KLHL31: variants seen among roughly 807,000 people sequenced by gnomAD.
KLHL31 encodes the protein kelch-like protein 31.
KLHL31 carries 32 observed loss-of-function variants against 47.1 expected under a neutral mutation model. That is an observed-to-expected ratio of 0.68 (90% CI 0.51 to 0.91). The LOEUF is 0.91. KLHL31 is among the 40% of genes least tolerant of loss of function. KLHL31 has a pLI of 0.00. For missense variants in KLHL31, 797 were observed against 819.3 expected, an observed-to-expected ratio of 0.97 and a Z score of 0.33; for synonymous variants, 330 against 325.1, an observed-to-expected ratio of 1.01 and a Z score of -0.16.
intron 1 of KLHL31, among the ~76,000 whole-genome samples, chr6:53,659,502 T>C (rs1372262860): frequency 2.6e-5 from 4 of 151,930 alleles, no homozygotes; most frequent in African/African-American, 9.7e-5. Flanking sequence ...TGTGGTGGGG[T>C]GGTGTTAGAA....
At chr6:53,663,325 C>T (rs1478878442) in intron 1 of KLHL31, among the ~76,000 whole-genome samples, 1 of 152,086 alleles carries the variant, frequency 6.6e-6, no homozygotes, top group Non-Finnish European at 1.5e-5. Flanking sequence ...GTTCTGGTTC[C>T]AAATACTAGA....
At chr6:53,663,585 G>A (rs1338973638) in intron 1 of KLHL31, among the ~76,000 whole-genome samples, 2 of 152,140 alleles carry the variant, frequency 1.3e-5, no homozygotes, top group South Asian at 2.1e-4. Flanking sequence ...ATCTCATATG[G>A]TTCAACTTAG....
intron 1 of KLHL31, among the ~76,000 whole-genome samples, chr6:53,663,272 T>G (rs1315231165): frequency 6.6e-6 from 1 of 152,230 alleles, no homozygotes; most frequent in Non-Finnish European, 1.5e-5. Flanking sequence ...ATAGCTGGTG[T>G]TTATAAATTT....
Position 53,652,178 on chromosome 6 carries a change from G to A in KLHL31, c.1325C>T (p.Ser442Phe), listed in dbSNP as rs1764484309. Residue 442 changes from serine (S) to phenylalanine (F), a missense_variant, in exon 3 of 3, where the codon TCC becomes TTC. Transcript: ENST00000370905. The part of the protein sequence containing the change: ...SLASLECYVP[S>F]TNQWQPKTPL... ...CGTCTTCGGCTGCCACTGATTGGTG[G>A]AGGGCACGTAGCACTCCAGCGAGGC... The A allele has an allele frequency of 6.2e-7, 1 of 1,610,090 alleles. No individual in the cohort carries two copies. The highest frequency in any genetic ancestry group is 1.7e-5 in the Admixed American group (1 of 60,008).
chr6:53,653,910 T>C (rs1001598189), intron 2 of KLHL31, among the ~76,000 whole-genome samples, 191 bp downstream of exon 2: 3 of 152,214 alleles, frequency 2.0e-5, no homozygotes, highest in African/African-American at 7.2e-5. Context: ...TTCAGAAATC[T>C]ATAGTGCAAA....
rs10665063 is a variant in KLHL31, at chr6:53,656,931, C to CTTTTTTTTT, written c.-33-1635_-33-1627dup. Among the ~76,000 whole-genome samples the CTTTTTTTTT allele has an allele frequency of 5.4e-3, 533 of 98,424 alleles. 23 individuals carry two copies. The highest frequency in any genetic ancestry group is 7.6e-3 in the Non-Finnish European group (403 of 53,116). The allele number at this position is 98,424 out of a possible 152,430, so 64.6% of individuals were successfully genotyped here. The stretch of plus-strand genomic sequence containing the variant: ...AGACTGGGAAAACAAGTATTTTTAA[C>CTTTTTTTTT]TTTTTTTTTTTTTTTTTTTGAGATC... On this transcript the variant is annotated intron_variant, in intron 1 of 2. Transcript: ENST00000370905.
At chr6:53,653,215 C>T (rs1412077580) in intron 2 of KLHL31, among the ~76,000 whole-genome samples, 1 of 152,198 alleles carries the variant, frequency 6.6e-6, no homozygotes, top group Non-Finnish European at 1.5e-5. Context: ...CTCCTTCAGT[C>T]TGATGTTCAT....
At position 53,649,017 on chromosome 6, in the gene KLHL31, C is replaced by T. The variant is rs1764430991; in HGVS notation, c.*2581G>A. The T allele has an allele frequency of 6.6e-6, 1 of 152,072 alleles. No individual in the cohort carries two copies. The highest frequency in any genetic ancestry group is 2.4e-5 in the African/African-American group (1 of 41,416). The allele number at this position is 152,072 out of a possible 1,614,324, so 9.4% of individuals were successfully genotyped here. A position where few individuals can be genotyped will look rare whatever the true frequency, so the allele number is the denominator to read the frequency against. The stretch of plus-strand genomic sequence containing the variant: ...AATAAAAGGAAGTATATGGTTGGGT[C>T]CTAAGACTCTGGAGTAATTGAATGT... On this transcript the variant is annotated 3_prime_UTR_variant, in exon 3 of 3. Coordinates refer to ENST00000370905, the MANE Select transcript of KLHL31 (RefSeq NM_001003760.5).
chr6:53,655,596 T>C (rs1764548735), intron 1 of KLHL31, among the ~76,000 whole-genome samples: 1 of 103,782 alleles, frequency 9.6e-6, no homozygotes, highest in Non-Finnish European at 1.8e-5. Context: ...CTTTCTTTCT[T>C]TTTTCTTTTT....
chr6:53,654,805 T>C lies in KLHL31; in HGVS notation c.468A>G (p.Val156=). The change falls in exon 2 of 3, where the codon GTA becomes GTG. Residue 156 remains valine (V), a synonymous_variant. Transcript: ENST00000370905. Reference sequence around the variant, plus strand: ...GTATCAGAAAATCACTGCACATCTTTACAAGAGTATGGATCTGAAGATAAA... The same window carrying C: ...GTATCAGAAAATCACTGCACATCTTCACAAGAGTATGGATCTGAAGATAAA... The part of the protein sequence containing the change: ...AAVYLQIHTL[V]KMCSDFLIRE... 6.2e-7 allele frequency: 1 copy of C among 1,614,108 alleles called. No homozygotes were observed. Among genetic ancestry groups the C allele is most frequent in the East Asian group, 2.2e-5 (1 of 44,884 alleles).
intron 1 of KLHL31, among the ~76,000 whole-genome samples, chr6:53,661,273 T>A (rs777331118): frequency 6.6e-6 from 1 of 152,122 alleles, no homozygotes; most frequent in Non-Finnish European, 1.5e-5. Context: ...GCTCCCTCTT[T>A]ATGGGGGATC....
At chr6:53,655,609 CTTTT>C (rs11358787) in intron 1 of KLHL31, among the ~76,000 whole-genome samples, 6 of 114,260 alleles carry the variant, frequency 5.3e-5, no homozygotes, top group Non-Finnish European at 9.3e-5. Context: ...TTCTTTTTTT[CTTTT>C]TTTTTTTTTT....
chr6:53,657,610 T>TTGTGTGTGTG (rs57566339), intron 1 of KLHL31, among the ~76,000 whole-genome samples: 1,811 of 138,766 alleles, frequency 0.013, 20 homozygotes, highest in East Asian at 0.035. Flanking sequence ...TGTTTTTGTT[T>TTGTGTGTGTG]TGTGTGTGTG....
At chr6:53,663,169 A>G (rs565140938) in intron 1 of KLHL31, among the ~76,000 whole-genome samples, 101 of 152,338 alleles carry the variant, frequency 6.6e-4, no homozygotes, top group Non-Finnish European at 1.2e-3. Context: ...CTGGGCCCCT[A>G]TATTGTCTTC....
Position 53,651,811 on chromosome 6 carries a change from A to C in KLHL31, c.1692T>G (p.His564Gln). The change falls in exon 3 of 3, where the codon CAT becomes CAG. Residue 564 changes from histidine to glutamine, a missense_variant. His to Gln is a conservative substitution (Grantham distance 24). Transcript: ENST00000370905. The stretch of plus-strand genomic sequence containing the variant: ...AGCCCCCCACCAGGTAGGCGCGGCC[A>C]TGCAGCGCCGAGACGCCCGCAGTGC... ...GVSTAGVSAL[H>Q]GRAYLVGGWN... is the part of the protein sequence containing the mutation. 1.2e-6 allele frequency: 2 copies of C among 1,611,986 alleles called. No individual in the cohort carries two copies. The highest frequency in any genetic ancestry group is 1.7e-6 in the Non-Finnish European group (2 of 1,179,710).
Position 53,652,124 on chromosome 6 carries a change from G to A in KLHL31, c.1379C>T (p.Ala460Val). Reference protein sequence around the residue: ...TPLEVARCCHASAVADGRVLV... With the variant: ...TPLEVARCCHVSAVADGRVLV... Reference sequence around the variant, plus strand: ...CACGCGGCCGTCGGCGACCGCGCTAGCGTGGCAGCAGCGCGCCACCTCCAG... The same window carrying A: ...CACGCGGCCGTCGGCGACCGCGCTAACGTGGCAGCAGCGCGCCACCTCCAG... Residue 460 changes from alanine to valine, a missense_variant, in exon 3 of 3, where the codon GCT becomes GTT. By Grantham distance (64) the Ala-to-Val change is moderately conservative. Coordinates refer to ENST00000370905, the MANE Select transcript of KLHL31 (RefSeq NM_001003760.5). The A allele has an allele frequency of 6.2e-7, 1 of 1,601,784 alleles. No homozygotes were observed. The highest frequency in any genetic ancestry group is 1.3e-5 in the African/African-American group (1 of 75,010).
In KLHL31 at chr6:53,651,282, C is replaced by G. The variant is rs1373256541; in HGVS notation, c.*316G>C. On this transcript the variant is annotated 3_prime_UTR_variant, in exon 3 of 3. Transcript: ENST00000370905. ...AAAAAATCTCAAATGTGGGTGTAAC[C>G]GCTATACATTTAGGAAACATGCCGC... The G allele has an allele frequency of 4.3e-6, 1 of 230,716 alleles. No individual in the cohort carries two copies. The highest frequency in any genetic ancestry group is 2.3e-5 in the African/African-American group (1 of 43,980). 14.3% of individuals were successfully genotyped at this position (230,716 alleles called of 1,614,324 possible).
At position 53,655,076 on chromosome 6, in the gene KLHL31, A is replaced by G; in HGVS notation, c.197T>C (p.Met66Thr). Residue 66 changes from methionine to threonine, a missense_variant, in exon 2 of 3, where the codon ATG becomes ACG. Transcript: ENST00000370905. ...GTCACATAGGAAGTTCTCCTGCCGC[A>G]TTTTACTTAAACCTTCCAAGAGGTT... Reference protein sequence around the residue: ...GPNLLEGLSKMRQENFLCDLV... With the variant: ...GPNLLEGLSKTRQENFLCDLV... The G allele has an allele frequency of 1.2e-6, 2 of 1,614,018 alleles. No homozygotes were observed. Among genetic ancestry groups the G allele is most frequent in the Non-Finnish European group, 1.7e-6 (2 of 1,179,976 alleles).
Position 53,651,775 on chromosome 6 carries a change from G to C in KLHL31, c.1728C>G (p.Gly576=), listed in dbSNP as rs1273664885. 6.2e-7 allele frequency: 1 copy of C among 1,613,790 alleles called. No homozygotes were observed. Among genetic ancestry groups the C allele is most frequent in the South Asian group, 1.1e-5 (1 of 91,072 alleles). ...GGATGCACTTCTTGTACTTCTTCTC[G>C]CCCTCGTTCCAGCCCCCCACCAGGT... ...RAYLVGGWNE[G]EKKYKKCIQC... is the part of the protein sequence containing the mutation. Residue 576 remains glycine, a synonymous_variant, in exon 3 of 3, where the codon GGC becomes GGG. Transcript: ENST00000370905.
Sources: allele counts gnomAD v4.1 joint callset (sites outside exome capture counted in the v4.1 genomes callset), GRCh38; gene constraint gnomAD v4.1.1; transcripts MANE v1.5; gene names NCBI Gene and HGNC (gene_info 2026-07-23, HGNC 2026-07-21).